BPTF: variants seen among roughly 807,000 people sequenced by gnomAD.
BPTF encodes the protein nucleosome-remodeling factor subunit BPTF.
In BPTF, 18 loss-of-function variants were observed where a neutral mutation model predicts 292.5. That is an observed-to-expected ratio of 0.06 (90% confidence interval 0.04 to 0.09). The LOEUF is 0.09. BPTF is among the 10% of genes least tolerant of loss of function. The pLI, the probability that BPTF is intolerant of heterozygous loss-of-function variation, is 1.00. For missense variants in BPTF, 2,726 were observed against 3,498.7 expected (o/e 0.78, Z 5.57); for synonymous variants, 1,225 against 1,251.9 (o/e 0.98, Z 0.45).
chr17:67,975,077 C>G (rs1256360834), intron 26 of BPTF: 1 of 152,178 alleles, frequency 6.6e-6, no homozygotes, highest in Non-Finnish European at 1.5e-5. Flanking sequence ...TCTTATCACT[C>G]CGGAGATTCC....
At chr17:67,976,022 C>CT in intron 27 of BPTF, 64 bp downstream of exon 27, 6 of 1,325,622 alleles carry the variant, frequency 4.5e-6, no homozygotes, top group Non-Finnish European at 6.2e-6. Context: ...ACTATTCTGT[C>CT]TAACGATTCA....
In BPTF at chr17:67,912,363, T is replaced by G. The variant is rs1252587661; in HGVS notation, c.4479T>G (p.Ala1493=). 1 of 1,614,094 alleles carries G rather than the reference T, an allele frequency of 6.2e-7. No homozygotes were observed. The highest frequency in any genetic ancestry group is 1.7e-5 in the Admixed American group (1 of 60,008). The change falls in exon 11 of 28, where the codon GCT becomes GCG. Residue 1493 remains alanine, a synonymous_variant. Transcript: ENST00000306378. ...TKSHLLSSSD[A]EGNYRDSLET... ...CGCATTTGCTGAGTTCTTCAGATGC[T>G]GAAGGTAACTACCGAGATAGCCTTG... is the stretch of plus-strand genomic sequence containing the variant.
intron 24 of BPTF, chr17:67,963,391 A>G (rs1555685057): frequency 3.9e-6 from 6 of 1,535,810 alleles, no homozygotes; most frequent in South Asian, 1.2e-5. Flanking sequence ...TGTTGGCATC[A>G]CAGAAAAGGA....
At chr17:67,876,789 G>A (rs2060075447) in intron 4 of BPTF, among the ~76,000 whole-genome samples, 1 of 151,970 alleles carries the variant, frequency 6.6e-6, no homozygotes, top group African/African-American at 2.4e-5. Flanking sequence ...CTGGGCGACA[G>A]AGCAAGACTT....
intron 9 of BPTF, among the ~76,000 whole-genome samples, chr17:67,908,301 G>T (rs781190797): frequency 1.2e-4 from 18 of 152,122 alleles, no homozygotes; most frequent in Non-Finnish European, 2.1e-4. Context: ...TGGGACTACA[G>T]GCTCGTACCA....
chr17:67,837,170 T>C (rs1008202884), intron 1 of BPTF, among the ~76,000 whole-genome samples: 6 of 152,172 alleles, frequency 3.9e-5, no homozygotes, highest in Non-Finnish European at 8.8e-5. Flanking sequence ...GCTGATAATA[T>C]TGATTTGCCT....
chr17:67,949,222 A>C (rs577965832), intron 23 of BPTF, among the ~76,000 whole-genome samples: 20 of 152,122 alleles, frequency 1.3e-4, no homozygotes, highest in African/African-American at 4.1e-4. Context: ...AAAATTAGCC[A>C]AACATGGTGG....
chr17:67,928,292 A>G (rs1450621850), intron 15 of BPTF, 63 bp from the exon 16 acceptor site: 1 of 1,495,184 alleles, frequency 6.7e-7, no homozygotes, highest in Non-Finnish European at 9.0e-7. Flanking sequence ...GACTTCTTGT[A>G]GAATGGTATT....
At chr17:67,917,758 A>G (rs1011497968) in intron 11 of BPTF, among the ~76,000 whole-genome samples, 1 of 151,882 alleles carries the variant, frequency 6.6e-6, no homozygotes, top group Non-Finnish European at 1.5e-5. Context: ...TTAGCCTCCC[A>G]AGTAGCTCGG....
intron 1 of BPTF, among the ~76,000 whole-genome samples, chr17:67,832,783 C>CTTTTTTTTTTT (rs60751133): frequency 9.8e-6 from 1 of 101,640 alleles, no homozygotes; most frequent in African/African-American, 4.2e-5. Context: ...TGATTCGCCT[C>CTTTTTTTTTTT]TTTTTTTTTT....
In BPTF at chr17:67,837,374, C is replaced by G. The variant is rs532257330; in HGVS notation, c.613+11037C>G. 1.2e-3 allele frequency among the ~76,000 whole-genome samples: 187 copies of G among 151,628 alleles called. 3 individuals carry two copies. The highest frequency in any genetic ancestry group is 4.4e-3 in the African/African-American group (181 of 41,376). ...CTGGACCAGATTATACTCTCAACAT[C>G]TGTTTTTAAACCTTCCCTAGTCTGT... is the stretch of plus-strand genomic sequence containing the variant. On this transcript the variant is annotated intron_variant, in intron 1 of 27. Coordinates refer to ENST00000306378, the MANE Select transcript of BPTF (RefSeq NM_182641.4).
chr17:67,825,926 A>G lies in BPTF; in HGVS notation c.202A>G (p.Arg68Gly). 3.0e-6 allele frequency: 3 copies of G among 1,006,810 alleles called. No individual in the cohort carries two copies. The highest frequency in any genetic ancestry group is 4.5e-5 in the South Asian group (1 of 22,240). The allele number at this position is 1,006,810 out of a possible 1,614,324, so 62.4% of individuals were successfully genotyped here. A position where few individuals can be genotyped will look rare whatever the true frequency, so the allele number is the denominator to read the frequency against. ...GCCCAAGACGCGGCTGAGCTCGCCC[A>G]GGGGGGGCAGCAGTAGCCGGAGGAA... ...VAPKTRLSSP[R>G]GGSSSRRKPP... The change falls in exon 1 of 28, where the codon AGG (arginine) becomes GGG (glycine). Residue 68 changes from arginine (R) to glycine (G), a missense_variant. Transcript: ENST00000306378.
intron 4 of BPTF, among the ~76,000 whole-genome samples, chr17:67,879,529 C>A (rs1193452810): frequency 6.6e-6 from 1 of 152,172 alleles, no homozygotes; most frequent in African/African-American, 2.4e-5. Flanking sequence ...TCATTCACTT[C>A]TTTAGTAGAT....
chr17:67,949,879 A>C (rs2066149376), intron 23 of BPTF, among the ~76,000 whole-genome samples: 1 of 149,774 alleles, frequency 6.7e-6, no homozygotes, highest in African/African-American at 2.5e-5. Flanking sequence ...ACGTGGTGAA[A>C]CTCCGTCTCT....
chr17:67,850,630 G>T (rs1191303664), intron 1 of BPTF, among the ~76,000 whole-genome samples: 1 of 152,184 alleles, frequency 6.6e-6, no homozygotes, highest in African/African-American at 2.4e-5. Context: ...GACTCCCAAA[G>T]TGCTAGGATT....
rs531388736 is a variant in BPTF at position 67,878,817 on chromosome 17, C to T, written c.1864+3797C>T. Among the ~76,000 whole-genome samples the T allele has an allele frequency of 5.9e-5, 9 of 152,126 alleles. No individual in the cohort carries two copies. In the South Asian group the frequency reaches 1.9e-3, roughly 32 times the overall value. The stretch of plus-strand genomic sequence containing the variant: ...TTCATGGGAGAGGGTAAATCTGGTT[C>T]TTCCACTTTACCTTGACTAGAAGCA... On this transcript the variant is annotated intron_variant, in intron 4 of 27. Transcript: ENST00000306378.
At chr17:67,829,791 A>G (rs1216748180) in intron 1 of BPTF, among the ~76,000 whole-genome samples, 2 of 152,230 alleles carry the variant, frequency 1.3e-5, no homozygotes, top group Non-Finnish European at 2.9e-5. Context: ...TATAGTTTAC[A>G]GGGTTGGTTT....
rs773931445 is a variant in BPTF, at chr17:67,911,932, C to T, written c.4048C>T (p.Pro1350Ser). 6.2e-7 allele frequency: 1 copy of T among 1,613,892 alleles called. No homozygotes were observed. The highest frequency in any genetic ancestry group is 8.5e-7 in the Non-Finnish European group (1 of 1,179,992). ...CACTGGAAACTGTGAGGACAGGCTG[C>T]CGGTCAAGGGGACTGAAGCAAATGG... is the stretch of plus-strand genomic sequence containing the variant. ...ESTGNCEDRL[P>S]VKGTEANGKK... Residue 1350 changes from proline to serine, a missense_variant, in exon 11 of 28, where the codon CCG becomes TCG. Transcript: ENST00000306378.
At chr17:67,959,200 TTGAAATCACCTTC>T (rs1300232664) in intron 23 of BPTF, among the ~76,000 whole-genome samples, 1 of 152,122 alleles carries the variant, frequency 6.6e-6, no homozygotes, top group Non-Finnish European at 1.5e-5. Flanking sequence ...GAGAGGATGC[TTGAAATCACCTTC>T]TGAGCAACCA....
Sources: gnomAD v4.1 joint callset for allele counts (sites outside exome capture counted in the v4.1 genomes callset) on GRCh38, gnomAD v4.1.1 for gene constraint, MANE v1.5 for transcripts, NCBI Gene and HGNC (gene_info 2026-07-23, HGNC 2026-07-21) for gene names.